The following PTPN14 variants were observed in gnomAD, a reference collection of about 807,000 sequenced individuals.
PTPN14 encodes the protein tyrosine-protein phosphatase non-receptor type 14.
Under a neutral mutation model 126.8 loss-of-function variants are expected in PTPN14, and 53 were observed. That is an observed-to-expected ratio of 0.42 (90% CI 0.34 to 0.53). The LOEUF (loss-of-function observed/expected upper bound fraction) is 0.53, where lower values mean the gene tolerates loss of function less well. Among genes scored for constraint, PTPN14 ranks in the 20% least tolerant of loss-of-function variants. The pLI is 0.08. For missense variants in PTPN14, 1,257 were observed against 1,552.9 expected (o/e 0.81, Z 3.20); for synonymous variants, 630 against 599.3 (o/e 1.05, Z -0.75).
chr1:214,485,743 T>G (rs75931680), intron 1 of PTPN14, among the ~76,000 whole-genome samples: 1 of 152,012 alleles, frequency 6.6e-6, no homozygotes, highest in African/African-American at 2.4e-5. Flanking sequence ...TTTTTTTTTT[T>G]GAGACGGAGT....
rs780439972 is a variant in PTPN14 at position 214,384,691 on chromosome 1, C to A, written c.1164G>T (p.Val388=). The A allele has an allele frequency of 6.2e-7, 1 of 1,614,108 alleles. No homozygotes were observed. The highest frequency in any genetic ancestry group is 1.1e-5 in the South Asian group (1 of 91,076). The part of the protein sequence containing the change: ...YLNGTVTNGS[V]CSVHSVNSLN... ...GGGAGTTGACGCTGTGAACGCTACA[C>A]ACGCTGCCATTGGTGACAGTGCCAT... The change falls in exon 13 of 19, where the codon GTG becomes GTT. Residue 388 remains valine, a synonymous_variant. Coordinates refer to ENST00000366956, the MANE Select transcript of PTPN14 (RefSeq NM_005401.5). This position sits in a 1 kb window ranked among gnomAD's most constrained non-coding sequence, Gnocchi z 5.3.
At chr1:214,414,826 G>T in intron 3 of PTPN14, 100 bp from the exon 4 acceptor site, 2 of 899,494 alleles carry the variant, frequency 2.2e-6, no homozygotes, top group Non-Finnish European at 3.6e-6. Context: ...TGTGTACACA[G>T]CAGGACATGC....
intron 15 of PTPN14, 24 bp downstream of exon 15, chr1:214,376,195 C>G (rs940590897): frequency 4.4e-6 from 7 of 1,600,138 alleles, no homozygotes; most frequent in Non-Finnish European, 6.0e-6. Context: ...TTTACCAAAC[C>G]TTCTAACAGG....
intron 2 of PTPN14, among the ~76,000 whole-genome samples, chr1:214,453,651 CCA>C (rs1660320869): frequency 6.6e-6 from 1 of 152,142 alleles, no homozygotes; most frequent in South Asian, 2.1e-4. Flanking sequence ...ACCATCGCCA[CCA>C]CCATCATCAT....
intron 7 of PTPN14, among the ~76,000 whole-genome samples, chr1:214,398,395 G>A (rs564376537): frequency 3.3e-5 from 5 of 152,280 alleles, no homozygotes; most frequent in Admixed American, 2.6e-4. Context: ...GGAGGACTAA[G>A]TTCAAGGTAT....
chr1:214,361,681 A>C (rs1571949782), intron 18 of PTPN14, among the ~76,000 whole-genome samples: 1 of 152,360 alleles, frequency 6.6e-6, no homozygotes, highest in African/African-American at 2.4e-5. Flanking sequence ...TTTTGTAATT[A>C]GCTGTAGCTG....
intron 2 of PTPN14, among the ~76,000 whole-genome samples, chr1:214,460,551 ACACAG>A (rs1194811237): frequency 1.0e-3 from 154 of 151,098 alleles, no homozygotes; most frequent in African/African-American, 3.4e-3. Context: ...ACACACACAC[ACACAG>A]ATCAGTGCAA....
chr1:214,526,657 GAGA>G (rs1655408174), intron 1 of PTPN14, among the ~76,000 whole-genome samples: 1 of 152,192 alleles, frequency 6.6e-6, no homozygotes, highest in African/African-American at 2.4e-5. Flanking sequence ...AAACACAGCA[GAGA>G]AGAATAGGCA....
At chr1:214,398,458 G>A (rs1224349416) in intron 7 of PTPN14, among the ~76,000 whole-genome samples, 1 of 152,022 alleles carries the variant, frequency 6.6e-6, no homozygotes, top group African/African-American at 2.4e-5. Context: ...GTTGTTGTTT[G>A]TTTGTTTTGA....
At chr1:214,408,673 A>G (rs146378573) in intron 5 of PTPN14, among the ~76,000 whole-genome samples, 128 of 152,320 alleles carry the variant, frequency 8.4e-4, no homozygotes, top group Middle Eastern at 3.4e-3. Flanking sequence ...CAGATACAGA[A>G]CTACACATAC....
chr1:214,393,882 C>A (rs1468023673), intron 9 of PTPN14, 105 bp from the exon 10 acceptor site: 3 of 904,768 alleles, frequency 3.3e-6, no homozygotes, highest in South Asian at 1.5e-5. Flanking sequence ...CAACCTTCAT[C>A]TCAAGCACAA....
chr1:214,435,602 C>T (rs1659894200), intron 3 of PTPN14, among the ~76,000 whole-genome samples: 1 of 152,004 alleles, frequency 6.6e-6, no homozygotes, highest in Admixed American at 6.6e-5. Flanking sequence ...GACATGAATA[C>T]TTTTCAGAAG....
At chr1:214,448,102 A>C (rs1421140196) in intron 3 of PTPN14, among the ~76,000 whole-genome samples, 2 of 152,252 alleles carry the variant, frequency 1.3e-5, no homozygotes, top group Non-Finnish European at 2.9e-5. Flanking sequence ...GAATGCAAAC[A>C]TTGACAGTCA....
intron 17 of PTPN14, among the ~76,000 whole-genome samples, chr1:214,368,907 G>A (rs1189003289): frequency 5.9e-5 from 9 of 152,158 alleles, no homozygotes; most frequent in Admixed American, 5.9e-4. Context: ...GCTTGAATCT[G>A]AGAGGCGGAG....
At chr1:214,444,637 A>C (rs1660102590) in intron 3 of PTPN14, among the ~76,000 whole-genome samples, 1 of 152,212 alleles carries the variant, frequency 6.6e-6, no homozygotes, top group Non-Finnish European at 1.5e-5. Flanking sequence ...CAGGAGTCTA[A>C]GGGGGAAAAG....
chr1:214,492,604 T>C (rs528615025), intron 1 of PTPN14, among the ~76,000 whole-genome samples: 2 of 152,314 alleles, frequency 1.3e-5, no homozygotes, highest in East Asian at 1.9e-4. Flanking sequence ...GCCGCATGCC[T>C]GGCTACAAAG....
intron 1 of PTPN14, among the ~76,000 whole-genome samples, chr1:214,542,090 A>G (rs1365584346): frequency 1.3e-5 from 2 of 152,170 alleles, no homozygotes; most frequent in Non-Finnish European, 2.9e-5. Context: ...GTATTTCCTT[A>G]TACTTTTACT....
At chr1:214,366,331 C>T (rs1046808271) in intron 17 of PTPN14, among the ~76,000 whole-genome samples, 1 of 152,196 alleles carries the variant, frequency 6.6e-6, no homozygotes, top group African/African-American at 2.4e-5. Context: ...AGTATTCTAT[C>T]TGACCAAAGG....
intron 1 of PTPN14, among the ~76,000 whole-genome samples, chr1:214,509,986 C>T (rs529737369): frequency 6.6e-6 from 1 of 152,186 alleles, no homozygotes; most frequent in Admixed American, 6.5e-5. Flanking sequence ...CGGGGCCTTT[C>T]AGGTAGCTTT....
Sources: gnomAD v4.1 joint callset for allele counts (sites outside exome capture counted in the v4.1 genomes callset) on GRCh38, gnomAD v4.1.1 for gene constraint, Gnocchi (gnomAD v3.1) non-coding constraint, MANE v1.5 for transcripts, NCBI Gene and HGNC (gene_info 2026-07-23, HGNC 2026-07-21) for gene names.